Variants in ARL13B observed in about 807,000 individuals in gnomAD.
The protein encoded by ARL13B is ADP-ribosylation factor-like protein 13B.
In ARL13B, 36 loss-of-function variants were observed where a neutral mutation model predicts 56.1. The ratio of observed to expected loss-of-function variants is 0.64; its 90% confidence interval spans 0.49 to 0.85. The LOEUF (loss-of-function observed/expected upper bound fraction) is 0.85. ARL13B is among the 40% of genes least tolerant of loss of function. The probability of loss-of-function intolerance (pLI) is 0.00; values close to 1 mark genes in which losing one functional copy is unlikely to be tolerated. For synonymous variants in ARL13B, 178 were observed against 171.1 expected (o/e 1.04, Z -0.32); for missense variants, 519 against 507.1 (o/e 1.02, Z -0.23).
At chr3:94,016,670 G>A (rs1160616766) in intron 3 of ARL13B, among the ~76,000 whole-genome samples, 32 of 142,412 alleles carry the variant, frequency 2.2e-4, no homozygotes, top group Non-Finnish European at 4.7e-4. Context: ...TTTTGGAGAT[G>A]GAGTCTTGCT....
intron 2 of ARL13B, among the ~76,000 whole-genome samples, chr3:93,997,826 A>C (rs1483043177): frequency 6.6e-6 from 1 of 152,134 alleles, no homozygotes; most frequent in Non-Finnish European, 1.5e-5. Context: ...ATCTCTACTA[A>C]AAATACCAAA....
chr3:93,989,572 T>A (rs1370680341), intron 1 of ARL13B, among the ~76,000 whole-genome samples: 2 of 148,080 alleles, frequency 1.4e-5, no homozygotes, highest in Non-Finnish European at 1.5e-5. Context: ...TTTTTTTTTT[T>A]AAACAGCCTC....
rs2077129503 is a variant in ARL13B, at chr3:94,055,539, AAAGCTGTTGGTC to A, written c.*2279_*2290del. 1 of 453,876 alleles carries A rather than the reference AAAGCTGTTGGTC, an allele frequency of 2.2e-6. No individual in the cohort carries two copies. The highest frequency in any genetic ancestry group is 2.0e-5 in the African/African-American group (1 of 50,008). The allele number at this position is 453,876 out of a possible 1,614,324, so 28.1% of individuals were successfully genotyped here. A position where few individuals can be genotyped will look rare whatever the true frequency, so the allele number is the denominator to read the frequency against. Reference sequence around the variant, plus strand: ...GAGGATTTGATGTCTGTCTTGCGTTAAAGCTGTTGGTCAACAGATATGTTTTTATGTATTTAA... The same window carrying A: ...GAGGATTTGATGTCTGTCTTGCGTTAAACAGATATGTTTTTATGTATTTAA... On this transcript the variant is annotated 3_prime_UTR_variant, in exon 10 of 10. Coordinates refer to ENST00000394222, the MANE Select transcript of ARL13B (RefSeq NM_001174150.2).
chr3:94,053,098 A>C (rs1024890296), intron 9 of ARL13B, 89 bp from the exon 10 acceptor site: 69 of 1,041,720 alleles, frequency 6.6e-5, no homozygotes, highest in Non-Finnish European at 8.3e-5. Context: ...AATGTCTAAA[A>C]TGTCTAAAGT....
Position 94,049,409 on chromosome 3 carries a change from A to G in ARL13B, c.1028A>G (p.Asn343Ser). Residue 343 changes from asparagine (N) to serine (S), a missense_variant, in exon 8 of 10, where the codon AAT (asparagine) becomes AGT (serine). Coordinates refer to ENST00000394222, the MANE Select transcript of ARL13B (RefSeq NM_001174150.2). The part of the protein sequence containing the change: ...ETDRPSLESA[N>S]GKKKTKKLRM... ...TTTCATGTTTATATTCTTGTAGCTA[A>G]TGGTAAAAAGAAAACTAAGAAACTA... The G allele has an allele frequency of 6.4e-7, 1 of 1,574,276 alleles. No homozygotes were observed. Among genetic ancestry groups the G allele is most frequent in the East Asian group, 2.2e-5 (1 of 44,506 alleles).
At chr3:94,037,359 A>G (rs945656111) in intron 5 of ARL13B, among the ~76,000 whole-genome samples, 15 of 152,236 alleles carry the variant, frequency 9.9e-5, no homozygotes, top group African/African-American at 3.6e-4. Context: ...ACATAGTTGT[A>G]GCCCAGTGAG....
intron 1 of ARL13B, chr3:93,988,749 C>T (rs1341513617): frequency 2.1e-5 from 9 of 437,416 alleles, no homozygotes; most frequent in Non-Finnish European, 3.6e-5. Context: ...CCACTTTGGC[C>T]TGTTTTCCCT....
In ARL13B at chr3:93,980,166, G is replaced by T. The variant is rs1258070216; in HGVS notation, c.-258G>T. On this transcript the variant is annotated 5_prime_UTR_variant, in exon 1 of 10. Coordinates refer to ENST00000394222, the MANE Select transcript of ARL13B (RefSeq NM_001174150.2). The stretch of plus-strand genomic sequence containing the variant: ...CACGTCGACGCGGGGCTTTTCTTTA[G>T]CCGGGTCCCGCTAACTCGGCTACGG... 4.7e-6 allele frequency: 3 copies of T among 641,754 alleles called. No individual in the cohort carries two copies. The highest frequency in any genetic ancestry group is 3.3e-5 in the South Asian group (2 of 61,256). The allele number at this position is 641,754 out of a possible 1,614,324, so 39.8% of individuals were successfully genotyped here. A position where few individuals can be genotyped will look rare whatever the true frequency, so the allele number is the denominator to read the frequency against.
intron 3 of ARL13B, among the ~76,000 whole-genome samples, chr3:94,024,327 G>T (rs1310367538): frequency 6.6e-6 from 1 of 152,178 alleles, no homozygotes; most frequent in Admixed American, 6.5e-5. Flanking sequence ...AAAAGAAAGA[G>T]TAACAATGTT....
intron 1 of ARL13B, among the ~76,000 whole-genome samples, chr3:93,983,079 A>G (rs1186221177): frequency 1.3e-5 from 2 of 152,200 alleles, no homozygotes; most frequent in Non-Finnish European, 2.9e-5. Flanking sequence ...TGTAAAAGAG[A>G]TGATGATGGT....
intron 3 of ARL13B, among the ~76,000 whole-genome samples, chr3:94,026,169 G>A (rs1174575504): frequency 2.6e-5 from 4 of 152,132 alleles, no homozygotes; most frequent in East Asian, 3.9e-4. Flanking sequence ...ACAGGCGCCC[G>A]CCACCACACC....
At chr3:94,044,564 CTGG>C in intron 7 of ARL13B, among the ~76,000 whole-genome samples, 1 of 144,110 alleles carries the variant, frequency 6.9e-6, no homozygotes, top group East Asian at 2.1e-4. Context: ...GCGCCTCTGC[CTGG>C]CCGCCACCGC....
chr3:94,019,968 G>T (rs2076414321), intron 3 of ARL13B, among the ~76,000 whole-genome samples: 1 of 152,054 alleles, frequency 6.6e-6, no homozygotes, highest in Non-Finnish European at 1.5e-5. Flanking sequence ...ACCCTATTTT[G>T]AACTATACCT....
At position 94,053,704 on chromosome 3, in the gene ARL13B, CTATTTT is replaced by C. The variant is rs1560020583; in HGVS notation, c.*445_*450del. ...GGAATTTATAACCAAAATTTTAAAA[CTATTTT>C]TATATTTTTTTAAATCTTTAAAAAT... On this transcript the variant is annotated 3_prime_UTR_variant, in exon 10 of 10. Transcript: ENST00000394222. The C allele has an allele frequency of 3.2e-6, 1 of 308,870 alleles. No individual in the cohort carries two copies. Among genetic ancestry groups the C allele is most frequent in the Non-Finnish European group, 6.3e-6 (1 of 158,128 alleles). The allele number at this position is 308,870 out of a possible 1,614,324, so 19.1% of individuals were successfully genotyped here.
chr3:94,049,223 CACTT>C (rs2077029569), intron 7 of ARL13B, among the ~76,000 whole-genome samples, 179 bp from the exon 8 acceptor site: 1 of 152,092 alleles, frequency 6.6e-6, no homozygotes, highest in Non-Finnish European at 1.5e-5. Flanking sequence ...AATAAGCCAT[CACTT>C]AAAAAATATA....
chr3:94,007,741 G>A (rs1308510629), intron 3 of ARL13B, among the ~76,000 whole-genome samples: 2 of 152,158 alleles, frequency 1.3e-5, no homozygotes, highest in Non-Finnish European at 2.9e-5. Flanking sequence ...GATTTGGGTG[G>A]TGACACAGAG....
intron 3 of ARL13B, chr3:94,014,709 A>C: frequency 6.2e-7 from 1 of 1,612,854 alleles, no homozygotes; most frequent in African/African-American, 1.3e-5. Flanking sequence ...ATTTTCCTTG[A>C]TGAAGCATAT....
intron 4 of ARL13B, 35 bp from the exon 5 acceptor site, chr3:94,036,516 CT>C: frequency 1.2e-6 from 2 of 1,600,876 alleles, no homozygotes; most frequent in Non-Finnish European, 1.7e-6. Flanking sequence ...GTGTGGAGAC[CT>C]TTTAATCTTT....
intron 3 of ARL13B, among the ~76,000 whole-genome samples, chr3:94,016,103 A>T (rs1480289939): frequency 6.6e-6 from 1 of 152,170 alleles, no homozygotes; most frequent in Non-Finnish European, 1.5e-5. Flanking sequence ...TACATAATTT[A>T]TATTTAATGA....
Sources: allele counts gnomAD v4.1 joint callset (sites outside exome capture counted in the v4.1 genomes callset), GRCh38; gene constraint gnomAD v4.1.1; transcripts MANE v1.5; gene names NCBI Gene and HGNC (gene_info 2026-07-23, HGNC 2026-07-21).